The following FOXN3 variants were observed in gnomAD, a reference collection of about 807,000 sequenced individuals.
FOXN3 encodes forkhead box protein N3.
FOXN3 carries 7 observed loss-of-function variants against 38.4 expected under a neutral mutation model. The observed-to-expected ratio is 0.18, with a 90% confidence interval of 0.10 to 0.34. FOXN3 has a LOEUF of 0.34. FOXN3 is among the 10% of genes least tolerant of loss of function. The pLI is 1.00. For synonymous variants in FOXN3, 230 were observed against 242.2 expected (o/e 0.95, Z 0.47); for missense variants, 456 against 613.4 (o/e 0.74, Z 2.71).
intron 1 of FOXN3, among the ~76,000 whole-genome samples, chr14:89,485,149 C>CAA (rs3057954): frequency 0.63 from 81,582 of 128,558 alleles, 26,184 homozygotes; most frequent in Non-Finnish European, 0.73. Context: ...AAGACTCTCT[C>CAA]AAAAAAAAAA....
chr14:89,553,713 G>T (rs184915812), intron 1 of FOXN3, among the ~76,000 whole-genome samples: 3 of 152,214 alleles, frequency 2.0e-5, no homozygotes, highest in Admixed American at 1.3e-4. Context: ...ATCTAGGTGA[G>T]GTTTGATGAT....
At chr14:89,609,124 A>G (rs573853317) in intron 1 of FOXN3, among the ~76,000 whole-genome samples, 2 of 152,218 alleles carry the variant, frequency 1.3e-5, no homozygotes, top group African/African-American at 4.8e-5. Context: ...GAGCAGTTTA[A>G]TAAGTGGGGC....
chr14:89,546,498 T>G (rs953116007), intron 1 of FOXN3, among the ~76,000 whole-genome samples: 7 of 150,258 alleles, frequency 4.7e-5, no homozygotes, highest in Admixed American at 2.7e-4. Context: ...CCCGGCTAAT[T>G]TTTTGTATTT....
At chr14:89,588,423 T>C (rs1388030721) in intron 1 of FOXN3, among the ~76,000 whole-genome samples, 1 of 152,060 alleles carries the variant, frequency 6.6e-6, no homozygotes, top group Non-Finnish European at 1.5e-5. Flanking sequence ...AAAGTAAAAA[T>C]TCAGCAATGG....
intron 1 of FOXN3, among the ~76,000 whole-genome samples, chr14:89,568,498 C>A (rs560471730): frequency 6.6e-6 from 1 of 152,200 alleles, no homozygotes; most frequent in Non-Finnish European, 1.5e-5. Flanking sequence ...AGGCTCTGCC[C>A]TCAGCACGGA....
intron 3 of FOXN3, among the ~76,000 whole-genome samples, chr14:89,298,472 TAAAAAAAAA>T (rs55856005): frequency 2.4e-5 from 3 of 123,588 alleles, no homozygotes; most frequent in Non-Finnish European, 5.0e-5. Context: ...TCCGTCTATT[TAAAAAAAAA>T]AAAAAAAAAA....
intron 1 of FOXN3, among the ~76,000 whole-genome samples, chr14:89,416,128 C>T (rs1292024694): frequency 1.3e-5 from 2 of 151,898 alleles, no homozygotes; most frequent in Non-Finnish European, 2.9e-5. Flanking sequence ...ACCCAGCACG[C>T]GCGCGCGCGC....
intron 4 of FOXN3, among the ~76,000 whole-genome samples, chr14:89,239,171 A>G (rs923589895): frequency 1.3e-5 from 2 of 152,174 alleles, no homozygotes; most frequent in African/African-American, 4.8e-5. Flanking sequence ...AGCCAGCGGA[A>G]CCACAAGAGC....
chr14:89,202,756 C>T (rs1888267256), intron 4 of FOXN3, among the ~76,000 whole-genome samples: 1 of 152,202 alleles, frequency 6.6e-6, no homozygotes, highest in South Asian at 2.1e-4. Context: ...CTCCCCTCCG[C>T]ATTTCGCATG....
chr14:89,594,487 G>A (rs908061030), intron 1 of FOXN3, among the ~76,000 whole-genome samples: 1 of 152,150 alleles, frequency 6.6e-6, no homozygotes, highest in Non-Finnish European at 1.5e-5. Context: ...CTTTTCACAT[G>A]TTTATTCAAC....
intron 1 of FOXN3, among the ~76,000 whole-genome samples, chr14:89,448,786 C>A (rs1296372216): frequency 2.0e-5 from 3 of 151,218 alleles, no homozygotes; most frequent in Admixed American, 6.6e-5. Flanking sequence ...AAAAAAAATA[C>A]AAAAACTAGC....
At position 89,163,818 on chromosome 14, in the gene FOXN3, T is replaced by G. The variant is rs1887169985; in HGVS notation, c.852-849A>C. Among the ~76,000 whole-genome samples, 1 of 152,214 alleles carries G rather than the reference T, an allele frequency of 6.6e-6. No individual in the cohort carries two copies. Among genetic ancestry groups the G allele is most frequent in the South Asian group, 2.1e-4 (1 of 4,830 alleles). The stretch of plus-strand genomic sequence containing the variant: ...TACTTAAAGTCACACAACTGATCAC[T>G]TGCGGAGCAGGGACTGGAATCAAAG... On this transcript the variant is annotated intron_variant, in intron 5 of 5. Coordinates refer to ENST00000557258, the MANE Select transcript of FOXN3 (RefSeq NM_005197.4). This position sits in a 1 kb window ranked among gnomAD's most constrained non-coding sequence, Gnocchi z 4.3.
At chr14:89,558,423 G>A (rs1895171795) in intron 1 of FOXN3, among the ~76,000 whole-genome samples, 1 of 152,208 alleles carries the variant, frequency 6.6e-6, no homozygotes, top group South Asian at 2.1e-4. Flanking sequence ...GACCCCACCT[G>A]TGGGGCAGGT....
chr14:89,203,739 C>T (rs981748685), intron 4 of FOXN3, among the ~76,000 whole-genome samples: 20 of 152,136 alleles, frequency 1.3e-4, no homozygotes, highest in African/African-American at 4.8e-4. Context: ...CACATTTCTT[C>T]CGCTCCCAGG....
chr14:89,158,819 T>A lies in FOXN3; in HGVS notation c.*3595A>T, dbSNP rs1464466072. ...CGTCGTGGTGTTGATGTGTTCACGGTTGGTTTCCAAAGCATCTTTAAATAT... is the reference window on the plus strand; with the variant it reads ...CGTCGTGGTGTTGATGTGTTCACGGATGGTTTCCAAAGCATCTTTAAATAT... On this transcript the variant is annotated 3_prime_UTR_variant, in exon 6 of 6. Transcript: ENST00000557258. The A allele has an allele frequency of 2.6e-5, 4 of 152,726 alleles. No homozygotes were observed. The East Asian group carries it at 5.8e-4, about 22-fold the overall frequency. 9.5% of individuals were successfully genotyped at this position (152,726 alleles called of 1,614,324 possible). A position where few individuals can be genotyped will look rare whatever the true frequency, so the allele number is the denominator to read the frequency against.
chr14:89,423,033 A>T (rs777898882), intron 1 of FOXN3, among the ~76,000 whole-genome samples: 7 of 152,250 alleles, frequency 4.6e-5, no homozygotes, highest in Non-Finnish European at 7.3e-5. Context: ...AATTCCGTCA[A>T]CAAGTAAGCA....
Position 89,159,239 on chromosome 14 carries a change from T to C in FOXN3, c.*3175A>G, listed in dbSNP as rs142374784. 1 of 152,790 alleles carries C rather than the reference T, an allele frequency of 6.5e-6. No individual in the cohort carries two copies. The highest frequency in any genetic ancestry group is 1.9e-4 in the East Asian group (1 of 5,192). 9.5% of individuals were successfully genotyped at this position (152,790 alleles called of 1,614,324 possible). On this transcript the variant is annotated 3_prime_UTR_variant, in exon 6 of 6. Coordinates refer to ENST00000557258, the MANE Select transcript of FOXN3 (RefSeq NM_005197.4). ...CAGCCACATACACATTGATACTTTT[T>C]GTTTTTGTTCTCAACAATCAAAATA...
At chr14:89,593,377 G>C (rs546915139) in intron 1 of FOXN3, among the ~76,000 whole-genome samples, 5 of 152,304 alleles carry the variant, frequency 3.3e-5, no homozygotes, top group South Asian at 4.1e-4. Flanking sequence ...GGTGGCTCAT[G>C]CCTGTAACCC....
intron 4 of FOXN3, among the ~76,000 whole-genome samples, chr14:89,273,530 T>C (rs900906784): frequency 6.6e-6 from 1 of 152,222 alleles, no homozygotes; most frequent in Non-Finnish European, 1.5e-5. Flanking sequence ...CTGTAGCCAC[T>C]GGGGAAGAAG....
Sources: gnomAD v4.1 joint callset for allele counts (sites outside exome capture counted in the v4.1 genomes callset) on GRCh38, gnomAD v4.1.1 for gene constraint, Gnocchi (gnomAD v3.1) non-coding constraint, MANE v1.5 for transcripts, NCBI Gene and HGNC (gene_info 2026-07-23, HGNC 2026-07-21) for gene names.